IL18RAP: variants seen among roughly 807,000 people sequenced by gnomAD.
The protein encoded by IL18RAP is interleukin-18 receptor accessory protein.
IL18RAP carries 37 observed loss-of-function variants against 58.1 expected under a neutral mutation model. The observed-to-expected ratio is 0.64, with a 90% CI of 0.49 to 0.84. IL18RAP has a LOEUF of 0.84. IL18RAP is among the 40% of genes least tolerant of loss of function. IL18RAP has a pLI of 0.00. For missense variants in IL18RAP, 667 were observed against 704.8 expected (o/e 0.95, Z 0.61); for synonymous variants, 268 against 257.5 (o/e 1.04, Z -0.39).
At chr2:102,441,043 A>G (rs1376208600) in intron 4 of IL18RAP, among the ~76,000 whole-genome samples, 1 of 152,196 alleles carries the variant, frequency 6.6e-6, no homozygotes, top group Non-Finnish European at 1.5e-5. Flanking sequence ...TGCAAGGGGC[A>G]GGATTAGTGT....
Position 102,451,844 on chromosome 2 carries a change from G to A in IL18RAP, c.1463G>A (p.Gly488Glu), listed in dbSNP as rs1322995424. The A allele has an allele frequency of 2.5e-6, 4 of 1,613,992 alleles. No individual in the cohort carries two copies. Among genetic ancestry groups the A allele is most frequent in the Non-Finnish European group, 3.4e-6 (4 of 1,179,858 alleles). ...ATCTTGAGCCCCAACTATGTCAATGGACCCAGTATCTTTGAACTACAAGCA... is the reference window on the plus strand; with the variant it reads ...ATCTTGAGCCCCAACTATGTCAATGAACCCAGTATCTTTGAACTACAAGCA... ...IFILSPNYVN[G>E]PSIFELQAAV... Residue 488 changes from glycine to glutamate, a missense_variant, in exon 10 of 10, where the codon GGA (glycine) becomes GAA (glutamate). Transcript: ENST00000687160.
chr2:102,430,284 A>C (rs907123949), intron 3 of IL18RAP, among the ~76,000 whole-genome samples: 1 of 152,068 alleles, frequency 6.6e-6, no homozygotes, highest in South Asian at 2.1e-4. Flanking sequence ...CTCTTAGTGA[A>C]TGGACTCTTT....
At chr2:102,422,680 TC>T (rs1681649170), upstream of IL18RAP, among the ~76,000 whole-genome samples, 1 of 152,192 alleles carries the variant, frequency 6.6e-6, no homozygotes, top group African/African-American at 2.4e-5. Flanking sequence ...AGTGGTGCCA[TC>T]CAGTGACAAT....
rs1380050349 is a variant in IL18RAP, at chr2:102,452,527, T to A, written c.*346T>A. 2 of 213,210 alleles carry A rather than the reference T, an allele frequency of 9.4e-6. No individual in the cohort carries two copies. Among genetic ancestry groups the A allele is most frequent in the Non-Finnish European group, 1.8e-5 (2 of 109,114 alleles). The allele number at this position is 213,210 out of a possible 1,614,324, so 13.2% of individuals were successfully genotyped here. On this transcript the variant is annotated 3_prime_UTR_variant, in exon 10 of 10. Coordinates refer to ENST00000687160, the MANE Select transcript of IL18RAP (RefSeq NM_001393487.1). ...ACCATGTATTGTACATATGACTTTA[T>A]GTATACTTGCAATCAAATAAATATT...
At chr2:102,442,294 T>C (rs1187975338) in intron 5 of IL18RAP, among the ~76,000 whole-genome samples, 2 of 151,716 alleles carry the variant, frequency 1.3e-5, no homozygotes, top group African/African-American at 4.8e-5. Context: ...TTTCTTTTAA[T>C]AATATAAATT....
intron 7 of IL18RAP, 36 bp downstream of exon 7, chr2:102,445,376 G>T: frequency 6.2e-7 from 1 of 1,601,680 alleles, no homozygotes; most frequent in Non-Finnish European, 8.5e-7. Flanking sequence ...GCATGAAACT[G>T]CTTTCACTTG....
intron 3 of IL18RAP, among the ~76,000 whole-genome samples, chr2:102,432,031 T>C (rs1489353651): frequency 6.6e-6 from 1 of 152,162 alleles, no homozygotes; most frequent in African/African-American, 2.4e-5. Flanking sequence ...GCCTATGCAG[T>C]TGAGGAAACA....
intron 9 of IL18RAP, 112 bp downstream of exon 9, chr2:102,451,133 A>C: frequency 1.2e-6 from 1 of 800,434 alleles, no homozygotes; most frequent in Non-Finnish European, 1.9e-6. Context: ...AGATTACATG[A>C]GGTTAGAACA....
At chr2:102,427,479 C>A (rs895069649) in intron 3 of IL18RAP, among the ~76,000 whole-genome samples, 4 of 152,076 alleles carry the variant, frequency 2.6e-5, no homozygotes, top group African/African-American at 4.8e-5. Flanking sequence ...TGATACTCAG[C>A]ATTTTTTCAT....
At chr2:102,445,445 G>A in intron 7 of IL18RAP, 105 bp downstream of exon 7, 1 of 1,209,156 alleles carries the variant, frequency 8.3e-7, no homozygotes, top group Non-Finnish European at 1.2e-6. Flanking sequence ...ACATTTTCTA[G>A]GTGACAGACA....
rs558450846 is a variant in IL18RAP at position 102,445,117 on chromosome 2, C to T, written c.921-72C>T. ...AAAGCCAAACTGTTGGCTGCTTATA[C>T]GTGTTCCAAATGCTGCAAATGGGTG... On this transcript the variant is annotated intron_variant, in intron 6 of 9. Transcript: ENST00000687160. 1.7e-4 allele frequency: 244 copies of T among 1,395,480 alleles called. 1 individual carries two copies. Among genetic ancestry groups the T allele is most frequent in the African/African-American group, 1.6e-3 (114 of 70,934 alleles). The allele number at this position is 1,395,480 out of a possible 1,614,324, so 86.4% of individuals were successfully genotyped here. A position where few individuals can be genotyped will look rare whatever the true frequency, so the allele number is the denominator to read the frequency against.
At chr2:102,440,943 T>C (rs561137422) in intron 4 of IL18RAP, among the ~76,000 whole-genome samples, 3 of 152,326 alleles carry the variant, frequency 2.0e-5, no homozygotes, top group African/African-American at 7.2e-5. Context: ...GCACAGTTTC[T>C]TGGGTGGATT....
At position 102,443,328 on chromosome 2, in the gene IL18RAP, G is replaced by GA. The variant is rs769486453; in HGVS notation, c.920+12dup. Reference sequence around the variant, plus strand: ...CTCAGTACCTGAGGCGAAAAGGTAAGAAAAAAACTCACGGATTCTGTTCTC... The same window carrying GA: ...CTCAGTACCTGAGGCGAAAAGGTAAGAAAAAAAACTCACGGATTCTGTTCTC... On this transcript the variant is annotated splice_donor_region_variant and intron_variant, in intron 6 of 9. Coordinates refer to ENST00000687160, the MANE Select transcript of IL18RAP (RefSeq NM_001393487.1). The GA allele has an allele frequency of 2.5e-5, 41 of 1,608,692 alleles. No homozygotes were observed. Among genetic ancestry groups the GA allele is most frequent in the Non-Finnish European group, 3.4e-5 (40 of 1,178,868 alleles).
chr2:102,425,733 T>C (rs555935662), intron 3 of IL18RAP, among the ~76,000 whole-genome samples: 10 of 152,266 alleles, frequency 6.6e-5, no homozygotes, highest in African/African-American at 2.4e-4. Flanking sequence ...TTATTTCAGA[T>C]GAAAATGTGT....
chr2:102,433,414 G>A (rs1435418523), intron 3 of IL18RAP, among the ~76,000 whole-genome samples: 1 of 152,110 alleles, frequency 6.6e-6, no homozygotes, highest in African/African-American at 2.4e-5. Context: ...TGTAGAGAAG[G>A]GGTTTCACTA....
intron 3 of IL18RAP, among the ~76,000 whole-genome samples, chr2:102,428,536 C>CT (rs1682122742): frequency 6.6e-6 from 1 of 151,772 alleles, no homozygotes. Context: ...GGAAACACTG[C>CT]TAATTTTTAT....
upstream of IL18RAP, among the ~76,000 whole-genome samples, chr2:102,422,483 G>T (rs1349541105): frequency 6.6e-6 from 1 of 152,164 alleles, no homozygotes; most frequent in Non-Finnish European, 1.5e-5. Flanking sequence ...ACCCTGCTCT[G>T]AGCCATATGC....
At position 102,452,546 on chromosome 2, in the gene IL18RAP, A is replaced by G. The variant is rs1683838491; in HGVS notation, c.*365A>G. 1.1e-5 allele frequency: 2 copies of G among 181,688 alleles called. No homozygotes were observed. Among genetic ancestry groups the G allele is most frequent in the Non-Finnish European group, 2.3e-5 (2 of 88,486 alleles). 11.3% of individuals were successfully genotyped at this position (181,688 alleles called of 1,614,324 possible). A position where few individuals can be genotyped will look rare whatever the true frequency, so the allele number is the denominator to read the frequency against. On this transcript the variant is annotated 3_prime_UTR_variant, in exon 10 of 10. Coordinates refer to ENST00000687160, the MANE Select transcript of IL18RAP (RefSeq NM_001393487.1). ...ACTTTATGTATACTTGCAATCAAAT[A>G]AATATTATTTTATTAGAAATGAGTG...
intron 3 of IL18RAP, among the ~76,000 whole-genome samples, chr2:102,426,990 T>C (rs1010765381): frequency 3.3e-5 from 5 of 152,152 alleles, no homozygotes; most frequent in Non-Finnish European, 7.4e-5. Context: ...GTTCTATATA[T>C]GAGTGAGCTC....
Sources: allele counts gnomAD v4.1 joint callset (sites outside exome capture counted in the v4.1 genomes callset), GRCh38; gene constraint gnomAD v4.1.1; transcripts MANE v1.5; gene names NCBI Gene and HGNC (gene_info 2026-07-23, HGNC 2026-07-21).